The following DDX41 variants were observed in gnomAD, a reference collection of about 807,000 sequenced individuals.
The protein encoded by DDX41 is DEAD-box helicase 41, also known as probable ATP-dependent RNA helicase DDX41.
In DDX41, 50 loss-of-function variants were observed where a neutral mutation model predicts 78.8. The observed-to-expected ratio is 0.63, with a 90% CI of 0.51 to 0.80. DDX41 has a LOEUF of 0.80. DDX41 is among the 30% of genes least tolerant of loss of function. The probability of loss-of-function intolerance (pLI) is 0.00; values close to 1 mark genes in which losing one functional copy is unlikely to be tolerated. For synonymous variants in DDX41, 381 were observed against 321.5 expected (o/e 1.19, Z -1.98); for missense variants, 633 against 849.2 (o/e 0.75, Z 3.16).
At chr5:177,515,546 A>C in intron 6 of DDX41, 139 bp downstream of exon 6, 5 of 1,131,196 alleles carry the variant, frequency 4.4e-6, no homozygotes, top group Non-Finnish European at 6.4e-6. Flanking sequence ...CAAGGAACCT[A>C]AAGAAACTCC....
intron 13 of DDX41, 38 bp downstream of exon 13, chr5:177,512,742 T>C (rs1313756523): frequency 6.2e-7 from 1 of 1,612,740 alleles, no homozygotes; most frequent in Non-Finnish European, 8.5e-7. Context: ...GCACTGCTAC[T>C]GCAGCAGGGT....
chr5:177,512,471 A>G (rs1395964230), intron 14 of DDX41, 25 bp downstream of exon 14: 1 of 1,614,014 alleles, frequency 6.2e-7, no homozygotes, highest in East Asian at 2.2e-5. Context: ...GGCCTAACCC[A>G]TGCCCTTGGG....
chr5:177,513,747 C>G lies in DDX41; in HGVS notation c.1036G>C (p.Ala346Pro). The part of the protein sequence containing the change: ...DICRYLALDE[A>P]DRMIDMGFEG... ...AAGCCCATGTCGATCATGCGGTCAGCCTCGTCCAGGGCCAGGTAGCGACAG... is the reference window on the plus strand; with the variant it reads ...AAGCCCATGTCGATCATGCGGTCAGGCTCGTCCAGGGCCAGGTAGCGACAG... Residue 346 changes from alanine (A) to proline (P), a missense_variant, in exon 10 of 17, where the codon GCT becomes CCT. Ala to Pro is a conservative substitution (Grantham distance 27, BLOSUM62 -1). Coordinates refer to ENST00000330503, the MANE Select transcript of DDX41 (RefSeq NM_016222.4). The surrounding 1 kb of genome is among the most constrained non-coding windows in gnomAD (Gnocchi z 4.6). 6.2e-7 allele frequency: 1 copy of G among 1,613,878 alleles called. No individual in the cohort carries two copies. The highest frequency in any genetic ancestry group is 8.5e-7 in the Non-Finnish European group (1 of 1,180,002).
rs1275110923 is a variant in DDX41 at position 177,513,354 on chromosome 5, T to A, written c.1229A>T (p.Gln410Leu). 1.2e-6 allele frequency: 2 copies of A among 1,613,966 alleles called. No individual in the cohort carries two copies. Among genetic ancestry groups the A allele is most frequent in the African/African-American group, 2.7e-5 (2 of 74,944 alleles). ...RAGAASLDVI[Q>L]EVEYVKEEAK... ...CGCCCATCAGGAGCACCTGCCCACC[T>A]GGATGACATCCAGGCTGGCAGCCCC... The change falls in exon 11 of 17, where the codon CAG (glutamine) becomes CTG (leucine). Residue 410 changes from glutamine to leucine, a missense_variant and splice_region_variant. Transcript: ENST00000330503. This position sits in a 1 kb window ranked among gnomAD's most constrained non-coding sequence, Gnocchi z 4.6.
chr5:177,513,311 C>T lies in DDX41; in HGVS notation c.1230+42G>A. ...CTTCAGGGAGACTTGTCAGATCCAGCCCCCACAGGTGAGAGACCGCCCATC... is the reference window on the plus strand; with the variant it reads ...CTTCAGGGAGACTTGTCAGATCCAGTCCCCACAGGTGAGAGACCGCCCATC... On this transcript the variant is annotated intron_variant, in intron 11 of 16. Transcript: ENST00000330503. The surrounding 1 kb of genome is among the most constrained non-coding windows in gnomAD (Gnocchi z 4.6). 6.2e-7 allele frequency: 1 copy of T among 1,612,444 alleles called. No individual in the cohort carries two copies. Among genetic ancestry groups the T allele is most frequent in the African/African-American group, 1.3e-5 (1 of 75,020 alleles).
Position 177,512,407 on chromosome 5 carries a change from GAC to G in DDX41, c.1550-16_1550-15del, listed in dbSNP as rs1761008714. The G allele has an allele frequency of 8.1e-6, 13 of 1,614,088 alleles. No individual in the cohort carries two copies. Among genetic ancestry groups the G allele is most frequent in the Non-Finnish European group, 8.5e-6 (10 of 1,180,022 alleles). Reference sequence around the variant, plus strand: ...CAATCCGGTGTACTGCAGAGAGAAGGACAGAGTCTCTGGCCCATCGCTGGACA... The same window carrying G: ...CAATCCGGTGTACTGCAGAGAGAAGGAGAGTCTCTGGCCCATCGCTGGACA... On this transcript the variant is annotated splice_polypyrimidine_tract_variant and intron_variant, in intron 14 of 16. Coordinates refer to ENST00000330503, the MANE Select transcript of DDX41 (RefSeq NM_016222.4).
intron 7 of DDX41, 50 bp from the exon 8 acceptor site, chr5:177,515,119 C>A (rs773904073): frequency 6.2e-7 from 1 of 1,613,048 alleles, no homozygotes; most frequent in Non-Finnish European, 8.5e-7. Context: ...AGATGAAGGA[C>A]ACCTAGCCAT....
At chr5:177,516,469 A>G (rs767811531) in intron 2 of DDX41, 22 bp from the exon 3 acceptor site, 1 of 1,612,230 alleles carries the variant, frequency 6.2e-7, no homozygotes, top group Non-Finnish European at 8.5e-7. Context: ...CCCGGGATCC[A>G]CAGATAGGAT....
chr5:177,515,995 GA>G lies in DDX41; in HGVS notation c.374-7del, dbSNP rs1212831845. ...CTCCTTCACTGACATCAATGCTGAA[GA>G]GAGAGACATGGCTCAGGGCTGGCTC... On this transcript the variant is annotated splice_polypyrimidine_tract_variant and splice_region_variant and intron_variant, in intron 4 of 16. Transcript: ENST00000330503. The G allele has an allele frequency of 6.2e-7, 1 of 1,614,068 alleles. No individual in the cohort carries two copies. The highest frequency in any genetic ancestry group is 1.3e-5 in the African/African-American group (1 of 74,944).
rs541153895 is a variant in DDX41 at position 177,515,197 on chromosome 5, G to T, written c.633C>A (p.Gly211=). The part of the protein sequence containing the change: ...IHHPTPIQIQ[G]IPTILSGRDM... ...CAGTCCACACTCACATGGTGGGGATGCCCTGGATCTGAATGGGTGTTGGGT... is the reference window on the plus strand; with the variant it reads ...CAGTCCACACTCACATGGTGGGGATTCCCTGGATCTGAATGGGTGTTGGGT... The change falls in exon 7 of 17, where the codon GGC becomes GGA. Residue 211 remains glycine, a synonymous_variant. Transcript: ENST00000330503. The T allele has an allele frequency of 2.4e-5, 38 of 1,613,912 alleles. No homozygotes were observed. In the East Asian group the frequency reaches 8.5e-4, roughly 36 times the overall value.
chr5:177,516,563 C>G (rs754601508), intron 2 of DDX41, 116 bp from the exon 3 acceptor site: 1 of 1,442,996 alleles, frequency 6.9e-7, no homozygotes, highest in Non-Finnish European at 9.5e-7. Flanking sequence ...TGCCCTACCC[C>G]TCAGATCAAG....
rs760167925 is a variant in DDX41 at position 177,516,905 on chromosome 5, C to T, written c.27+14G>A. On this transcript the variant is annotated intron_variant, in intron 1 of 16. Transcript: ENST00000330503. The stretch of plus-strand genomic sequence containing the variant: ...GCCCGCTCCCACACGCGCGGGGTCT[C>T]GCCTCTCTCCTACCTTCCGTTCGGG... 23 of 1,613,212 alleles carry T rather than the reference C, an allele frequency of 1.4e-5. No individual in the cohort carries two copies. The highest frequency in any genetic ancestry group is 1.9e-5 in the Non-Finnish European group (23 of 1,180,020).
rs754052450 is a variant in DDX41, at chr5:177,513,799, C to T, written c.984G>A (p.Leu328=). Residue 328 remains leucine, a synonymous_variant, in exon 10 of 17, where the codon CTG becomes CTA. Coordinates refer to ENST00000330503, the MANE Select transcript of DDX41 (RefSeq NM_016222.4). The surrounding 1 kb of genome is among the most constrained non-coding windows in gnomAD (Gnocchi z 4.6). ...VATPGRLMDL[L]QKKMVSLDIC... ...TGTCTAGGCTGACCATCTTCTTCTG[C>T]AGCAAATCCATGAGGCGCCCCGGGG... The T allele has an allele frequency of 1.9e-6, 3 of 1,613,830 alleles. No homozygotes were observed. The highest frequency in any genetic ancestry group is 2.5e-6 in the Non-Finnish European group (3 of 1,180,012).
rs142237673 is a variant in DDX41, at chr5:177,513,651, G to A, written c.1098+34C>T. 5.6e-5 allele frequency: 91 copies of A among 1,611,500 alleles called. No individual in the cohort carries two copies. Among genetic ancestry groups the A allele is most frequent in the South Asian group, 1.9e-4 (17 of 91,020 alleles). On this transcript the variant is annotated intron_variant, in intron 10 of 16. Transcript: ENST00000330503. This position sits in a 1 kb window ranked among gnomAD's most constrained non-coding sequence, Gnocchi z 4.6. Reference sequence around the variant, plus strand: ...TCTGATGTGGCGTGCAGTGGGGGGCGGTGCAGGGTGCCCTGGCCGGGCGGG... The same window carrying A: ...TCTGATGTGGCGTGCAGTGGGGGGCAGTGCAGGGTGCCCTGGCCGGGCGGG...
Position 177,516,138 on chromosome 5 carries a change from C to T in DDX41, c.354G>A (p.Glu118=), listed in dbSNP as rs1281061613. 2 of 1,614,074 alleles carry T rather than the reference C, an allele frequency of 1.2e-6. No individual in the cohort carries two copies. The highest frequency in any genetic ancestry group is 1.3e-5 in the African/African-American group (1 of 75,064). Residue 118 remains glutamate (E), a synonymous_variant, in exon 4 of 17, where the codon GAG becomes GAA. Coordinates refer to ENST00000330503, the MANE Select transcript of DDX41 (RefSeq NM_016222.4). ...CCATACCTCGGCCCTCGGCAACACT[C>T]TCCAGGATCTTCTCTTCTTCCTTCA... ...KQLKEEEKIL[E]SVAEGRALMS... is the part of the protein sequence containing the mutation.
In DDX41 at chr5:177,513,649, G is replaced by A. The variant is rs1761086759; in HGVS notation, c.1098+36C>T. The A allele has an allele frequency of 6.2e-7, 1 of 1,611,452 alleles. No individual in the cohort carries two copies. The highest frequency in any genetic ancestry group is 1.7e-5 in the Admixed American group (1 of 59,986). On this transcript the variant is annotated intron_variant, in intron 10 of 16. Transcript: ENST00000330503. This position sits in a 1 kb window ranked among gnomAD's most constrained non-coding sequence, Gnocchi z 4.6. ...AGTCTGATGTGGCGTGCAGTGGGGGGCGGTGCAGGGTGCCCTGGCCGGGCG... is the reference window on the plus strand; with the variant it reads ...AGTCTGATGTGGCGTGCAGTGGGGGACGGTGCAGGGTGCCCTGGCCGGGCG...
Position 177,512,210 on chromosome 5 carries a change from G to C in DDX41, c.1622-4C>G, listed in dbSNP as rs762874238. On this transcript the variant is annotated splice_polypyrimidine_tract_variant and splice_region_variant and intron_variant, in intron 15 of 16. Coordinates refer to ENST00000330503, the MANE Select transcript of DDX41 (RefSeq NM_016222.4). ...AGGTCCATCAGCACTGACTCATCTG[G>C]GGGAGGAGTGGGGAAGCATCAGGGC... 3 of 1,613,788 alleles carry C rather than the reference G, an allele frequency of 1.9e-6. No homozygotes were observed. The South Asian group carries it at 3.3e-5, about 18-fold the overall frequency.
chr5:177,516,177 G>A lies in DDX41; in HGVS notation c.315C>T (p.Ala105=), dbSNP rs1219573959. The A allele has an allele frequency of 6.2e-7, 1 of 1,614,004 alleles. No individual in the cohort carries two copies. Among genetic ancestry groups the A allele is most frequent in the East Asian group, 2.2e-5 (1 of 44,888 alleles). The part of the protein sequence containing the change: ...KEKAEARKES[A]KEKQLKEEEK... ...CTTCTTCCTTCAGCTGCTTCTCCTT[G>A]GCAGACTCTTTGCGCGCTGAGAAAA... The change falls in exon 4 of 17, where the codon GCC becomes GCT. Residue 105 remains alanine, a synonymous_variant. Coordinates refer to ENST00000330503, the MANE Select transcript of DDX41 (RefSeq NM_016222.4).
chr5:177,512,829 C>T lies in DDX41; in HGVS notation c.1350G>A (p.Glu450=). The change falls in exon 13 of 17, where the codon GAG becomes GAA. Residue 450 remains glutamate, a synonymous_variant. Coordinates refer to ENST00000330503, the MANE Select transcript of DDX41 (RefSeq NM_016222.4). Reference sequence around the variant, plus strand: ...CCTCAACCCCCTTGAGCAGCAGGTACTCGTGGATGGCGTCCACGTCTGCCT... The same window carrying T: ...CCTCAACCCCCTTGAGCAGCAGGTATTCGTGGATGGCGTCCACGTCTGCCT... ...EKKADVDAIH[E]YLLLKGVEAV... is the part of the protein sequence containing the mutation. The T allele has an allele frequency of 6.2e-7, 1 of 1,614,134 alleles. No homozygotes were observed. The highest frequency in any genetic ancestry group is 8.5e-7 in the Non-Finnish European group (1 of 1,180,040).
Sources: gnomAD v4.1 joint callset for allele counts on GRCh38, gnomAD v4.1.1 for gene constraint, Gnocchi (gnomAD v3.1) non-coding constraint, MANE v1.5 for transcripts, NCBI Gene and HGNC (gene_info 2026-07-23, HGNC 2026-07-21) for gene names.